SLIT3: variants seen among roughly 807,000 people sequenced by gnomAD.
SLIT3 encodes slit homolog 3 protein.
Under a neutral mutation model 184.0 loss-of-function variants are expected in SLIT3, and 68 were observed. The ratio of observed to expected loss-of-function variants is 0.37; its 90% CI spans 0.30 to 0.45. The LOEUF (loss-of-function observed/expected upper bound fraction) is 0.45. Among genes scored for constraint, SLIT3 ranks in the 20% least tolerant of loss-of-function variants. The pLI is 1.00. For synonymous variants in SLIT3, 831 were observed against 828.6 expected, an observed-to-expected ratio of 1.00 and a Z score of -0.05; for missense variants, 1,707 against 2,026.0, an observed-to-expected ratio of 0.84 and a Z score of 3.02.
chr5:168,870,111 G>T (rs548736150), intron 5 of SLIT3, among the ~76,000 whole-genome samples: 1 of 152,374 alleles, frequency 6.6e-6, no homozygotes, highest in Admixed American at 6.5e-5. Flanking sequence ...ACCATGAGCA[G>T]TATTGCGGCA....
At chr5:168,707,038 C>G (rs1042585652) in intron 26 of SLIT3, 1 of 152,248 alleles carries the variant, frequency 6.6e-6, no homozygotes, top group African/African-American at 2.4e-5. Flanking sequence ...GATGGAGCCA[C>G]AGCTTTGCTG....
chr5:168,778,196 C>A (rs552570058), intron 12 of SLIT3, among the ~76,000 whole-genome samples: 16 of 152,168 alleles, frequency 1.1e-4, no homozygotes, highest in African/African-American at 3.9e-4. Flanking sequence ...GCTTTTCCCA[C>A]GCACTTTCCA....
chr5:169,100,875 C>T (rs1278742354), intron 4 of SLIT3, among the ~76,000 whole-genome samples: 1 of 152,140 alleles, frequency 6.6e-6, no homozygotes, highest in Admixed American at 6.5e-5. Context: ...CAGGAAAATC[C>T]CATGTGTCAA....
intron 4 of SLIT3, among the ~76,000 whole-genome samples, chr5:168,904,145 G>T (rs1485531175): frequency 6.6e-6 from 1 of 152,212 alleles, no homozygotes; most frequent in Non-Finnish European, 1.5e-5. Context: ...GCTCCCAGAA[G>T]CTTAGAGATG....
intron 20 of SLIT3, among the ~76,000 whole-genome samples, chr5:168,732,745 T>C (rs1763325296): frequency 6.6e-6 from 1 of 152,164 alleles, no homozygotes; most frequent in Admixed American, 6.5e-5. Context: ...TAAATGGTGC[T>C]GGGAAAATTG....
intron 4 of SLIT3, among the ~76,000 whole-genome samples, chr5:169,057,537 G>A (rs1049396842): frequency 6.6e-6 from 1 of 152,232 alleles, no homozygotes; most frequent in African/African-American, 2.4e-5. Context: ...GGGATGTAGA[G>A]GGTGGCTAAG....
rs560664264 is a variant in SLIT3 at position 168,703,926 on chromosome 5, G to A, written c.2845-3247C>T. On this transcript the variant is annotated intron_variant, in intron 26 of 35. Coordinates refer to ENST00000519560, the MANE Select transcript of SLIT3 (RefSeq NM_003062.4). ...TGCCACTGCACTCCAGCCTGGCAAC[G>A]GAGTGAGACTCTGTCTCCAAAAAAA... is the stretch of plus-strand genomic sequence containing the variant. Among the ~76,000 whole-genome samples the A allele has an allele frequency of 2.1e-4, 28 of 133,690 alleles. No homozygotes were observed. In the East Asian group the frequency reaches 6.0e-3, roughly 29 times the overall value. 87.7% of individuals were successfully genotyped at this position (133,690 alleles called of 152,430 possible).
intron 4 of SLIT3, among the ~76,000 whole-genome samples, chr5:169,051,339 A>G (rs1451413502): frequency 1.3e-5 from 2 of 152,020 alleles, no homozygotes; most frequent in East Asian, 3.9e-4. Context: ...AAAAGAGTAA[A>G]TCAGAGCTGT....
At position 169,296,879 on chromosome 5, in the gene SLIT3, G is replaced by T. The variant is rs1040016058; in HGVS notation, c.197+3634C>A. 3.3e-5 allele frequency among the ~76,000 whole-genome samples: 5 copies of T among 152,136 alleles called. No homozygotes were observed. The East Asian group carries it at 9.6e-4, about 29-fold the overall frequency. On this transcript the variant is annotated intron_variant, in intron 1 of 35. Coordinates refer to ENST00000519560, the MANE Select transcript of SLIT3 (RefSeq NM_003062.4). Reference sequence around the variant, plus strand: ...TGTCCACTCTTGCCCCCACTCCACCGTTCAGGCCACCCCTCACTGCAGTGA... The same window carrying T: ...TGTCCACTCTTGCCCCCACTCCACCTTTCAGGCCACCCCTCACTGCAGTGA...
intron 7 of SLIT3, among the ~76,000 whole-genome samples, chr5:168,820,986 T>C (rs1178310935): frequency 1.3e-5 from 2 of 151,744 alleles, no homozygotes; most frequent in Non-Finnish European, 2.9e-5. Flanking sequence ...TTAATTACAG[T>C]GAAGGGGGAT....
chr5:168,916,018 A>C (rs1358622399), intron 4 of SLIT3, among the ~76,000 whole-genome samples: 1 of 152,244 alleles, frequency 6.6e-6, no homozygotes, highest in Admixed American at 6.5e-5. Context: ...CACAACGTGC[A>C]GGTTTGTTAC....
At chr5:169,146,343 T>G (rs1280022408) in intron 4 of SLIT3, among the ~76,000 whole-genome samples, 2 of 152,240 alleles carry the variant, frequency 1.3e-5, no homozygotes, top group Non-Finnish European at 2.9e-5. Context: ...TGACGCAGTG[T>G]TTGGCCCATG....
intron 3 of SLIT3, among the ~76,000 whole-genome samples, chr5:169,232,278 G>T (rs1449626012): frequency 3.3e-5 from 5 of 152,168 alleles, no homozygotes; most frequent in Admixed American, 1.3e-4. Context: ...AGACTAGGGT[G>T]CAGTGGTGCG....
At chr5:169,268,655 C>T (rs990644865) in intron 1 of SLIT3, among the ~76,000 whole-genome samples, 12 of 152,166 alleles carry the variant, frequency 7.9e-5, no homozygotes, top group African/African-American at 2.9e-4. Context: ...GCCTCCAGTC[C>T]CAGTTTCATT....
chr5:168,684,180 G>C, intron 31 of SLIT3, 84 bp from the exon 32 acceptor site: 2 of 1,346,508 alleles, frequency 1.5e-6, no homozygotes, highest in Non-Finnish European at 9.9e-7. Flanking sequence ...CCTCTTCCAG[G>C]CAGCAGCTTC....
At chr5:169,039,528 G>A (rs980096392) in intron 4 of SLIT3, among the ~76,000 whole-genome samples, 97 of 151,954 alleles carry the variant, frequency 6.4e-4, no homozygotes, top group African/African-American at 2.1e-3. Flanking sequence ...CATGTTAGCC[G>A]GGATGGTCTC....
intron 4 of SLIT3, among the ~76,000 whole-genome samples, chr5:168,949,603 G>A (rs1051397972): frequency 6.6e-6 from 1 of 151,322 alleles, no homozygotes; most frequent in Non-Finnish European, 1.5e-5. Flanking sequence ...TGAATTTTTT[G>A]TCTTGTTTTT....
intron 1 of SLIT3, among the ~76,000 whole-genome samples, chr5:169,299,249 A>G (rs913010709): frequency 2.6e-5 from 4 of 152,246 alleles, no homozygotes; most frequent in African/African-American, 9.6e-5. Flanking sequence ...CAAAGGAAAA[A>G]GAGAGCACCA....
chr5:169,280,774 C>T (rs1581134829), intron 1 of SLIT3, among the ~76,000 whole-genome samples: 1 of 152,298 alleles, frequency 6.6e-6, no homozygotes, highest in South Asian at 2.1e-4. Flanking sequence ...TCAGGTCTGT[C>T]TCCCTCCCAG....
Sources: gnomAD v4.1 joint callset for allele counts (sites outside exome capture counted in the v4.1 genomes callset) on GRCh38, gnomAD v4.1.1 for gene constraint, MANE v1.5 for transcripts, NCBI Gene and HGNC (gene_info 2026-07-23, HGNC 2026-07-21) for gene names.